SORCS2: variants seen among roughly 807,000 people sequenced by gnomAD.
SORCS2 encodes VPS10 domain-containing receptor SorCS2.
SORCS2 carries 100 observed loss-of-function variants against 141.6 expected under a neutral mutation model. The observed-to-expected ratio is 0.71, with a 90% confidence interval of 0.60 to 0.83. The LOEUF (loss-of-function observed/expected upper bound fraction) is 0.83. SORCS2 is among the 40% of genes least tolerant of loss of function. The probability of loss-of-function intolerance (pLI) is 0.00; values close to 1 mark genes in which losing one functional copy is unlikely to be tolerated. For missense variants in SORCS2, 1,646 were observed against 1,560.2 expected (o/e 1.05, Z -0.93); for synonymous variants, 789 against 676.9 (o/e 1.17, Z -2.57).
chr4:7,494,107 G>A (rs758433559), intron 2 of SORCS2, among the ~76,000 whole-genome samples: 4 of 152,158 alleles, frequency 2.6e-5, no homozygotes, highest in East Asian at 1.9e-4. Context: ...ATGGATGCAC[G>A]TGAGTGTATT....
chr4:7,522,421 C>T (rs1733388020), intron 2 of SORCS2, among the ~76,000 whole-genome samples: 1 of 152,218 alleles, frequency 6.6e-6, no homozygotes, highest in African/African-American at 2.4e-5. Context: ...CGTTTTTAGA[C>T]TCTGGTTTTT....
At chr4:7,296,075 G>A (rs59410125) in intron 1 of SORCS2, among the ~76,000 whole-genome samples, 74,657 of 152,044 alleles carry the variant, frequency 0.49, 18,628 homozygotes, top group Middle Eastern at 0.56. Context: ...GATGCAGAGT[G>A]TTGGAACCCA....
chr4:7,443,849 T>C (rs924901608), intron 2 of SORCS2, among the ~76,000 whole-genome samples: 4 of 152,350 alleles, frequency 2.6e-5, no homozygotes, highest in East Asian at 3.9e-4. Context: ...AGAAGGCCCA[T>C]AGGTGGTTTC....
At chr4:7,680,689 CTG>C (rs1273063920) in intron 9 of SORCS2, among the ~76,000 whole-genome samples, 5 of 152,238 alleles carry the variant, frequency 3.3e-5, no homozygotes, top group African/African-American at 1.2e-4. Flanking sequence ...CCTAGAAACT[CTG>C]GGAGGCTGCT....
chr4:7,461,372 G>A (rs1315878778), intron 2 of SORCS2, among the ~76,000 whole-genome samples: 1 of 152,092 alleles, frequency 6.6e-6, no homozygotes, highest in Admixed American at 6.5e-5. Flanking sequence ...CAGGGGGATG[G>A]CCGAGCTTCC....
intron 1 of SORCS2, among the ~76,000 whole-genome samples, chr4:7,217,182 CT>C (rs1008987783): frequency 2.0e-5 from 3 of 152,214 alleles, no homozygotes; most frequent in African/African-American, 7.2e-5. Context: ...ATTGGGTCCC[CT>C]CCTTGTCAGG....
At chr4:7,668,900 G>A (rs1272775138) in intron 8 of SORCS2, among the ~76,000 whole-genome samples, 2 of 152,084 alleles carry the variant, frequency 1.3e-5, no homozygotes. Flanking sequence ...CCCATACAGG[G>A]ACCCTCTCTG....
chr4:7,447,559 A>C (rs569808288), intron 2 of SORCS2, among the ~76,000 whole-genome samples: 2 of 151,804 alleles, frequency 1.3e-5, no homozygotes, highest in South Asian at 2.1e-4. Context: ...TTTTTCTTCT[A>C]TTCTGGAAAG....
intron 3 of SORCS2, among the ~76,000 whole-genome samples, chr4:7,618,951 T>C (rs1718953659): frequency 6.6e-6 from 1 of 152,186 alleles, no homozygotes; most frequent in Non-Finnish European, 1.5e-5. Flanking sequence ...GGGAGACTGC[T>C]GGCACCCATA....
chr4:7,726,974 G>A, intron 21 of SORCS2, 71 bp downstream of exon 21: 1 of 1,535,896 alleles, frequency 6.5e-7, no homozygotes, highest in Non-Finnish European at 8.8e-7. Context: ...CAGGCCACAT[G>A]GGTCGCGTAA....
chr4:7,470,110 G>C (rs544798234), intron 2 of SORCS2, among the ~76,000 whole-genome samples: 20 of 152,230 alleles, frequency 1.3e-4, no homozygotes, highest in Admixed American at 3.9e-4. Flanking sequence ...AGGGGGCCCA[G>C]ATTGTTTCAT....
Position 7,558,651 on chromosome 4 carries a change from G to A in SORCS2, c.648+27022G>A, listed in dbSNP as rs574443756. Among the ~76,000 whole-genome samples the A allele has an allele frequency of 5.9e-5, 9 of 152,278 alleles. No individual in the cohort carries two copies. The East Asian group carries it at 1.4e-3, about 23-fold the overall frequency. On this transcript the variant is annotated intron_variant, in intron 3 of 26. Coordinates refer to ENST00000507866, the MANE Select transcript of SORCS2 (RefSeq NM_020777.3). ...TGAGTGATGTGCCAAGCCTATGACCGGCACAGGGACACCCACGCCCTGCAC... is the reference window on the plus strand; with the variant it reads ...TGAGTGATGTGCCAAGCCTATGACCAGCACAGGGACACCCACGCCCTGCAC...
intron 1 of SORCS2, among the ~76,000 whole-genome samples, chr4:7,250,469 A>G (rs977985106): frequency 1.3e-5 from 2 of 152,238 alleles, no homozygotes. Flanking sequence ...GTGAGTATTA[A>G]TAAAAACAAC....
At chr4:7,579,656 T>C (rs1455323992) in intron 3 of SORCS2, among the ~76,000 whole-genome samples, 5 of 152,338 alleles carry the variant, frequency 3.3e-5, no homozygotes, top group African/African-American at 1.2e-4. Flanking sequence ...TCTTTATCAC[T>C]GACACTGAAT....
At chr4:7,459,202 G>T (rs1197875280) in intron 2 of SORCS2, among the ~76,000 whole-genome samples, 2 of 152,108 alleles carry the variant, frequency 1.3e-5, no homozygotes, top group African/African-American at 4.8e-5. Flanking sequence ...CCCCACCATG[G>T]GACGCTGGCG....
intron 3 of SORCS2, among the ~76,000 whole-genome samples, chr4:7,613,030 T>C (rs1718522371): frequency 6.6e-6 from 1 of 151,364 alleles, no homozygotes; most frequent in South Asian, 2.1e-4. Context: ...TCTCCACCTC[T>C]TTCTGCGGGG....
chr4:7,337,673 C>A (rs1158588091), intron 1 of SORCS2, among the ~76,000 whole-genome samples: 3 of 152,182 alleles, frequency 2.0e-5, no homozygotes, highest in African/African-American at 7.2e-5. Context: ...CACCCGCACG[C>A]TGGGGCAGCA....
chr4:7,552,079 C>T lies in SORCS2; in HGVS notation c.648+20450C>T, dbSNP rs7659950. On this transcript the variant is annotated intron_variant, in intron 3 of 26. Transcript: ENST00000507866. ...TCCTAATTGTCATGTAATTAGAGAG[C>T]AATTAGTTATTTGTCCCATATCAAT... Among the ~76,000 whole-genome samples, 188 of 152,252 alleles carry T rather than the reference C, an allele frequency of 1.2e-3. 1 individual carries two copies. Among genetic ancestry groups the T allele is most frequent in the African/African-American group, 4.3e-3 (180 of 41,540 alleles).
rs911826992 is a variant in SORCS2 at position 7,663,744 on chromosome 4, G to A, written c.953-609G>A. On this transcript the variant is annotated intron_variant, in intron 6 of 26. Coordinates refer to ENST00000507866, the MANE Select transcript of SORCS2 (RefSeq NM_020777.3). The surrounding 1 kb of genome is among the most constrained non-coding windows in gnomAD (Gnocchi z 4.8). ...GGAAAAGGAAGAGGAGGAAGAGGAGGAGGAGGAGGCACCCTTCCCTTGGTC... is the reference window on the plus strand; with the variant it reads ...GGAAAAGGAAGAGGAGGAAGAGGAGAAGGAGGAGGCACCCTTCCCTTGGTC... 2.0e-5 allele frequency among the ~76,000 whole-genome samples: 3 copies of A among 152,180 alleles called. No individual in the cohort carries two copies. The highest frequency in any genetic ancestry group is 7.2e-5 in the African/African-American group (3 of 41,446).
Sources: allele counts gnomAD v4.1 joint callset (sites outside exome capture counted in the v4.1 genomes callset), GRCh38; gene constraint gnomAD v4.1.1; non-coding constraint Gnocchi (gnomAD v3.1); transcripts MANE v1.5; gene names NCBI Gene and HGNC (gene_info 2026-07-23, HGNC 2026-07-21).